Variants in SETBP1 observed in about 807,000 individuals in gnomAD.
SETBP1 encodes SET binding protein 1.
A neutral mutation model predicts 101.0 loss-of-function variants in SETBP1; 9 were observed. The ratio of observed to expected loss-of-function variants is 0.09; its 90% confidence interval spans 0.05 to 0.16. SETBP1 has a LOEUF of 0.16. SETBP1 is among the 10% of genes least tolerant of loss of function. The pLI is 1.00. For missense variants in SETBP1, 1,858 were observed against 2,033.8 expected (o/e 0.91, Z 1.66); for synonymous variants, 818 against 788.5 (o/e 1.04, Z -0.63).
intron 5 of SETBP1, among the ~76,000 whole-genome samples, chr18:45,062,831 C>T (rs1045237031): frequency 5.3e-5 from 8 of 152,100 alleles, no homozygotes; most frequent in Non-Finnish European, 7.3e-5. Flanking sequence ...CAATATTTCA[C>T]ATAATTGTTG....
At chr18:44,974,762 G>A (rs2071949381) in intron 4 of SETBP1, among the ~76,000 whole-genome samples, 1 of 152,146 alleles carries the variant, frequency 6.6e-6, no homozygotes, top group Non-Finnish European at 1.5e-5. Flanking sequence ...AGAGCAAGAC[G>A]AGTCAAAAGC....
At chr18:44,873,466 C>A (rs2069325410) in intron 3 of SETBP1, among the ~76,000 whole-genome samples, 1 of 152,074 alleles carries the variant, frequency 6.6e-6, no homozygotes, top group African/African-American at 2.4e-5. Context: ...ATTGAAAATT[C>A]AAATGTAGAA....
chr18:44,844,355 A>T (rs72909518), intron 2 of SETBP1, among the ~76,000 whole-genome samples: 3 of 29,932 alleles, frequency 1.0e-4, no homozygotes, highest in Non-Finnish European at 2.3e-4. Context: ...ACACGCGCGC[A>T]CACACACACA....
intron 2 of SETBP1, among the ~76,000 whole-genome samples, chr18:44,847,964 G>A (rs1337752628): frequency 6.6e-6 from 1 of 152,130 alleles, no homozygotes; most frequent in East Asian, 1.9e-4. Context: ...ACAAGAGCCT[G>A]AAAGCTCAAC....
chr18:44,717,217 T>A (rs1268154356), intron 2 of SETBP1, among the ~76,000 whole-genome samples: 1 of 152,210 alleles, frequency 6.6e-6, no homozygotes, highest in Non-Finnish European at 1.5e-5. Context: ...AATCAGAGTT[T>A]CTCACCTCTG....
intron 4 of SETBP1, among the ~76,000 whole-genome samples, chr18:44,982,845 T>TCTGCTCTGCTAAACCC (rs1449263299): frequency 1.3e-5 from 2 of 152,344 alleles, no homozygotes; most frequent in South Asian, 4.1e-4. Flanking sequence ...GTTTCAGTAC[T>TCTGCTCTGCTAAACCC]AGTTTGCTCT....
intron 4 of SETBP1, among the ~76,000 whole-genome samples, chr18:44,991,244 CAAAA>C (rs55811938): frequency 8.8e-5 from 6 of 68,216 alleles, no homozygotes; most frequent in East Asian, 3.2e-4. Flanking sequence ...CTGCATCTCA[CAAAA>C]AAAAAAAAAA....
Position 44,721,997 on chromosome 18 carries a change from G to A in SETBP1, c.486+20165G>A, listed in dbSNP as rs554314872. ...ATTGTCACTTGTTTGCCAACTAGAGGGTATCTGGACATGTGTATGTGAGAG... is the reference window on the plus strand; with the variant it reads ...ATTGTCACTTGTTTGCCAACTAGAGAGTATCTGGACATGTGTATGTGAGAG... On this transcript the variant is annotated intron_variant, in intron 2 of 5. Transcript: ENST00000649279. Among the ~76,000 whole-genome samples the A allele has an allele frequency of 3.6e-3, 555 of 152,152 alleles. 1 individual carries two copies. Among genetic ancestry groups the A allele is most frequent in the Non-Finnish European group, 6.0e-3 (404 of 67,894 alleles).
chr18:44,680,529 CTT>C (rs1376643843), upstream of SETBP1: 1 of 152,196 alleles, frequency 6.6e-6, no homozygotes, highest in Non-Finnish European at 1.5e-5. Context: ...CTTGCTGGGT[CTT>C]TGACTTTGCA....
At chr18:44,915,461 T>C (rs1383657888) in intron 3 of SETBP1, among the ~76,000 whole-genome samples, 1 of 152,160 alleles carries the variant, frequency 6.6e-6, no homozygotes, top group African/African-American at 2.4e-5. Context: ...CACGGGAATA[T>C]AAGAGCAAAC....
intron 3 of SETBP1, chr18:44,872,265 G>A (rs1013148041): frequency 1.3e-4 from 20 of 152,038 alleles, no homozygotes; most frequent in African/African-American, 4.1e-4. Flanking sequence ...AGTGTCCATT[G>A]TAGAAATTTG....
chr18:44,987,855 T>C (rs532393300), intron 4 of SETBP1: 1 of 152,218 alleles, frequency 6.6e-6, no homozygotes, highest in Non-Finnish European at 1.5e-5. Flanking sequence ...TGATTATATG[T>C]AAATAGATCA....
chr18:45,018,383 T>C (rs2072992875), intron 4 of SETBP1, among the ~76,000 whole-genome samples: 1 of 152,236 alleles, frequency 6.6e-6, no homozygotes, highest in Non-Finnish European at 1.5e-5. Flanking sequence ...TGTTGAGCTG[T>C]TCTTGTCTGT....
chr18:44,820,785 A>G (rs1044916838), intron 2 of SETBP1, among the ~76,000 whole-genome samples: 4 of 152,222 alleles, frequency 2.6e-5, no homozygotes, highest in Non-Finnish European at 5.9e-5. Flanking sequence ...GGCACATGGA[A>G]ATTGCTCAGT....
chr18:44,818,347 C>T (rs1266236356), intron 2 of SETBP1, among the ~76,000 whole-genome samples: 1 of 152,204 alleles, frequency 6.6e-6, no homozygotes, highest in Non-Finnish European at 1.5e-5. Context: ...TCTCAACCAA[C>T]TTGTTTTGCA....
chr18:44,945,715 T>C (rs2071191307), intron 3 of SETBP1, among the ~76,000 whole-genome samples: 1 of 152,208 alleles, frequency 6.6e-6, no homozygotes, highest in Non-Finnish European at 1.5e-5. Flanking sequence ...ATAGTTCTGC[T>C]GAGGGCTGAG....
At chr18:45,060,036 G>A (rs567320919) in intron 5 of SETBP1, among the ~76,000 whole-genome samples, 13 of 152,264 alleles carry the variant, frequency 8.5e-5, no homozygotes, top group African/African-American at 2.9e-4. Flanking sequence ...ACATGTTTTT[G>A]TGATTTCCTT....
chr18:45,012,806 A>G (rs2072866593), intron 4 of SETBP1, among the ~76,000 whole-genome samples: 1 of 152,222 alleles, frequency 6.6e-6, no homozygotes, highest in Non-Finnish European at 1.5e-5. Flanking sequence ...CAAGAGCTAA[A>G]TAATATGTAC....
chr18:45,063,058 T>C (rs550489010), intron 5 of SETBP1, 21 bp from the exon 6 acceptor site: 1 of 1,613,608 alleles, frequency 6.2e-7, no homozygotes, highest in East Asian at 2.2e-5. Context: ...GCTCAATTTC[T>C]TATCTCTTCC....
Sources: allele counts gnomAD v4.1 joint callset (sites outside exome capture counted in the v4.1 genomes callset), GRCh38; gene constraint gnomAD v4.1.1; transcripts MANE v1.5; gene names NCBI Gene and HGNC (gene_info 2026-07-23, HGNC 2026-07-21).